Variants in KMT5A observed in about 807,000 individuals in gnomAD.
KMT5A encodes the protein lysine methyltransferase 5A, also known as N-lysine methyltransferase KMT5A.
KMT5A carries 6 observed loss-of-function variants against 40.6 expected under a neutral mutation model. The ratio of observed to expected loss-of-function variants is 0.15; its 90% CI spans 0.08 to 0.29. KMT5A has a LOEUF of 0.29. KMT5A is among the 10% of genes least tolerant of loss of function. The pLI, the probability that KMT5A is intolerant of heterozygous loss-of-function variation, is 1.00. For missense variants in KMT5A, 308 were observed against 459.1 expected, an observed-to-expected ratio of 0.67 and a Z score of 3.01; for synonymous variants, 153 against 178.8, an observed-to-expected ratio of 0.86 and a Z score of 1.15.
intron 3 of KMT5A, among the ~76,000 whole-genome samples, chr12:123,394,320 C>T (rs1428219141): frequency 6.6e-6 from 1 of 152,086 alleles, no homozygotes; most frequent in Admixed American, 6.6e-5. Context: ...CCAGGCTGGT[C>T]TTGAACTCCC....
At chr12:123,402,238 G>T (rs1878234661) in intron 5 of KMT5A, among the ~76,000 whole-genome samples, 1 of 152,228 alleles carries the variant, frequency 6.6e-6, no homozygotes, top group African/African-American at 2.4e-5. Context: ...AGTGTTCCCT[G>T]GGGTCAGAGT....
intron 4 of KMT5A, among the ~76,000 whole-genome samples, 195 bp from the exon 5 acceptor site, chr12:123,396,150 G>A (rs1019315599): frequency 5.9e-5 from 9 of 152,160 alleles, no homozygotes; most frequent in African/African-American, 2.2e-4. Context: ...CCAGCCAGCA[G>A]CCCGTCTTTG....
intron 3 of KMT5A, among the ~76,000 whole-genome samples, chr12:123,392,990 C>T (rs1877423868): frequency 6.6e-6 from 1 of 152,112 alleles, no homozygotes. Flanking sequence ...AATTATCCTG[C>T]CTCAACCTCC....
At chr12:123,403,275 G>T (rs961074351) in intron 5 of KMT5A, among the ~76,000 whole-genome samples, 1 of 152,262 alleles carries the variant, frequency 6.6e-6, no homozygotes, top group Non-Finnish European at 1.5e-5. Context: ...TTTTTAACGT[G>T]CTGCATGGGC....
intron 7 of KMT5A, 35 bp downstream of exon 7, chr12:123,405,109 C>T (rs777101718): frequency 9.6e-6 from 15 of 1,566,014 alleles, no homozygotes; most frequent in Non-Finnish European, 1.2e-5. Context: ...GCTTTTCTGT[C>T]CTCTGGGCAG....
chr12:123,390,492 G>T, intron 2 of KMT5A, 138 bp from the exon 3 acceptor site: 1 of 1,018,958 alleles, frequency 9.8e-7, no homozygotes, highest in South Asian at 1.6e-5. Flanking sequence ...CTGAGACAAT[G>T]GGGGCTGGCA....
chr12:123,407,728 C>T lies in KMT5A; in HGVS notation c.*25C>T. 6 of 1,579,604 alleles carry T rather than the reference C, an allele frequency of 3.8e-6. No homozygotes were observed. The highest frequency in any genetic ancestry group is 5.2e-6 in the Non-Finnish European group (6 of 1,157,666). On this transcript the variant is annotated 3_prime_UTR_variant, in exon 8 of 8. Coordinates refer to ENST00000402868, the MANE Select transcript of KMT5A (RefSeq NM_020382.7). Reference sequence around the variant, plus strand: ...ACCGGTGGGCCCCGTGCCCTCCCCGCCCCACTTTCCCTTCTTCAAAGGACA... The same window carrying T: ...ACCGGTGGGCCCCGTGCCCTCCCCGTCCCACTTTCCCTTCTTCAAAGGACA...
chr12:123,402,270 G>A (rs755984515), intron 5 of KMT5A, among the ~76,000 whole-genome samples: 8 of 152,244 alleles, frequency 5.3e-5, no homozygotes, highest in Non-Finnish European at 1.2e-4. Context: ...GACTAGCAAG[G>A]GGGCCGGAGC....
chr12:123,395,667 C>T (rs1205476731), intron 4 of KMT5A, among the ~76,000 whole-genome samples: 3 of 151,418 alleles, frequency 2.0e-5, no homozygotes, highest in African/African-American at 7.3e-5. Context: ...TGGGTTCAAG[C>T]GATTCCCCTG....
rs374330831 is a variant in KMT5A, at chr12:123,397,429, C to T, written c.597+997C>T. 1.1e-3 allele frequency among the ~76,000 whole-genome samples: 175 copies of T among 152,320 alleles called. 4 individuals are homozygous for T. The South Asian group carries it at 0.03, about 26-fold the overall frequency. On this transcript the variant is annotated intron_variant, in intron 5 of 7. Transcript: ENST00000402868. Reference sequence around the variant, plus strand: ...TTGGCAGTTTCAGCATTTCAGCCCTCATGCGGACTCCTTCAGCGTTCTTGA... The same window carrying T: ...TTGGCAGTTTCAGCATTTCAGCCCTTATGCGGACTCCTTCAGCGTTCTTGA...
intron 3 of KMT5A, among the ~76,000 whole-genome samples, chr12:123,391,689 G>C (rs1050463532): frequency 3.3e-5 from 5 of 152,240 alleles, no homozygotes; most frequent in African/African-American, 1.2e-4. Context: ...CCCTTTCAAA[G>C]CTGCAGTGGG....
intron 2 of KMT5A, chr12:123,389,927 C>G: frequency 2.5e-6 from 1 of 397,194 alleles, no homozygotes. Flanking sequence ...TCCGTCTGTA[C>G]TTACTCAGAG....
intron 6 of KMT5A, 106 bp downstream of exon 6, chr12:123,403,738 G>A (rs1358999191): frequency 8.0e-7 from 1 of 1,254,976 alleles, no homozygotes; most frequent in African/African-American, 1.5e-5. Context: ...CCCTCTAATG[G>A]CCATGGTGAC....
intron 5 of KMT5A, among the ~76,000 whole-genome samples, chr12:123,398,961 C>G (rs1464969893): frequency 1.3e-5 from 2 of 152,142 alleles, no homozygotes; most frequent in African/African-American, 4.8e-5. Flanking sequence ...CAGGGCGGGC[C>G]TAGCGCCAGG....
At position 123,407,293 on chromosome 12, in the gene KMT5A, C is replaced by T. The variant is rs530827193; in HGVS notation, c.849-200C>T. ...GGTGGAGGCTGCAGTGAGCCGTGAT[C>T]GTGCCACTGCACTCCAGCCTGGGTT... On this transcript the variant is annotated intron_variant, in intron 7 of 7. Coordinates refer to ENST00000402868, the MANE Select transcript of KMT5A (RefSeq NM_020382.7). Among the ~76,000 whole-genome samples, 16 of 152,102 alleles carry T rather than the reference C, an allele frequency of 1.1e-4. No individual in the cohort carries two copies. In the South Asian group the frequency reaches 1.5e-3, roughly 14 times the overall value.
intron 1 of KMT5A, among the ~76,000 whole-genome samples, chr12:123,387,045 C>T (rs1448288811): frequency 6.6e-6 from 1 of 152,060 alleles, no homozygotes; most frequent in African/African-American, 2.4e-5. Context: ...TTAGTAGAGA[C>T]GGGGTTTCGC....
Position 123,390,699 on chromosome 12 carries a change from T to C in KMT5A, c.202T>C (p.Phe68Leu), listed in dbSNP as rs536801776. The C allele has an allele frequency of 3.7e-6, 6 of 1,613,968 alleles. No individual in the cohort carries two copies. In the East Asian group the frequency reaches 1.3e-4, roughly 36 times the overall value. ...CCCGAACAAATGCTCTGGAATGCGT[T>C]TCCCCCTTCAGGAAGAGAACTCAGT... ...MSPNKCSGMRFPLQEENSVTH... is the reference protein window; with the variant it reads ...MSPNKCSGMRLPLQEENSVTH... Residue 68 changes from phenylalanine to leucine, a missense_variant, in exon 3 of 8, where the codon TTC (phenylalanine) becomes CTC (leucine). By Grantham distance (22) the Phe-to-Leu change is conservative. Transcript: ENST00000402868.
intron 3 of KMT5A, among the ~76,000 whole-genome samples, chr12:123,393,958 T>C (rs1877497580): frequency 6.6e-6 from 1 of 152,126 alleles, no homozygotes; most frequent in South Asian, 2.1e-4. Context: ...ATGTTTTTAA[T>C]TCTCTGGAAT....
At chr12:123,390,332 C>T (rs1040864544) in intron 2 of KMT5A, among the ~76,000 whole-genome samples, 1 of 152,200 alleles carries the variant, frequency 6.6e-6, no homozygotes, top group African/African-American at 2.4e-5. Flanking sequence ...CTTTTGACCT[C>T]CCTGTTGCGG....
Sources: allele counts gnomAD v4.1 joint callset (sites outside exome capture counted in the v4.1 genomes callset), GRCh38; gene constraint gnomAD v4.1.1; transcripts MANE v1.5; gene names NCBI Gene and HGNC (gene_info 2026-07-23, HGNC 2026-07-21).